TCF12: variants seen among roughly 807,000 people sequenced by gnomAD.
TCF12 encodes the protein transcription factor 12.
In TCF12, 45 loss-of-function variants were observed where a neutral mutation model predicts 86.0. The observed-to-expected ratio is 0.52, with a 90% CI of 0.41 to 0.67. The LOEUF (loss-of-function observed/expected upper bound fraction) is 0.67. TCF12 is among the 30% of genes least tolerant of loss of function. TCF12 has a pLI of 0.00. For missense variants in TCF12, 881 were observed against 859.9 expected (o/e 1.02, Z -0.31); for synonymous variants, 330 against 299.6 (o/e 1.10, Z -1.05).
chr15:57,072,022 A>G (rs2069436679), intron 4 of TCF12, among the ~76,000 whole-genome samples: 1 of 152,226 alleles, frequency 6.6e-6, no homozygotes, highest in South Asian at 2.1e-4. Flanking sequence ...TTAAAAATAG[A>G]TTTTATACAC....
chr15:57,162,665 A>G (rs1445987666), intron 5 of TCF12, among the ~76,000 whole-genome samples: 1 of 152,216 alleles, frequency 6.6e-6, no homozygotes, highest in East Asian at 1.9e-4. Flanking sequence ...AGGATAAGGA[A>G]TTTTAATAAG....
intron 5 of TCF12, chr15:57,118,572 G>A (rs2051004189): frequency 6.6e-6 from 1 of 152,062 alleles, no homozygotes. Flanking sequence ...GAACTTGCCT[G>A]TGGAAAAATT....
At chr15:57,230,297 C>A (rs185358343) in intron 8 of TCF12, among the ~76,000 whole-genome samples, 3 of 151,940 alleles carry the variant, frequency 2.0e-5, no homozygotes, top group African/African-American at 7.2e-5. Context: ...AATAGCTTAC[C>A]TTTCTCTTCT....
chr15:57,166,537 G>A, intron 6 of TCF12, 71 bp downstream of exon 6: 1 of 1,321,352 alleles, frequency 7.6e-7, no homozygotes, highest in Non-Finnish European at 1.1e-6. Flanking sequence ...ATTAATAGAT[G>A]AGATAGAAAT....
At chr15:57,280,974 C>A (rs1339626927) in intron 19 of TCF12, among the ~76,000 whole-genome samples, 1 of 152,074 alleles carries the variant, frequency 6.6e-6, no homozygotes, top group Non-Finnish European at 1.5e-5. Flanking sequence ...CTATGGATAT[C>A]TTGGGCTTAA....
intron 7 of TCF12, among the ~76,000 whole-genome samples, chr15:57,195,897 A>G (rs1254800908): frequency 6.6e-6 from 1 of 152,198 alleles, no homozygotes; most frequent in Non-Finnish European, 1.5e-5. Context: ...CTAGCTACTC[A>G]GGAGACCAAG....
intron 3 of TCF12, among the ~76,000 whole-genome samples, chr15:57,058,812 A>C (rs1169602777): frequency 1.3e-5 from 2 of 152,188 alleles, no homozygotes; most frequent in African/African-American, 4.8e-5. Context: ...TTCACAATGA[A>C]TGTCTGGGAA....
chr15:57,208,388 T>TTTTTTTTTTTTC (rs2057947669), intron 8 of TCF12, among the ~76,000 whole-genome samples: 1 of 99,328 alleles, frequency 1.0e-5, no homozygotes, highest in Non-Finnish European at 2.0e-5. Context: ...TCCTTTTTTT[T>TTTTTTTTTTTTC]TTTTTTTTTT....
chr15:57,223,671 T>TTTTTTTTTTTTTTTTTAA, intron 8 of TCF12, among the ~76,000 whole-genome samples: 1 of 122,492 alleles, frequency 8.2e-6, no homozygotes, highest in Admixed American at 8.8e-5. Context: ...TTTTTTTTTT[T>TTTTTTTTTTTTTTTTTAA]AGAAATAGAG....
upstream of TCF12, chr15:56,918,498 TTG>T: frequency 2.8e-5 from 9 of 316,976 alleles, no homozygotes; most frequent in South Asian, 2.0e-4. Flanking sequence ...ACCGCGGGCT[TTG>T]TCCACCCGCC....
intron 3 of TCF12, among the ~76,000 whole-genome samples, chr15:57,055,257 C>T (rs926890168): frequency 1.3e-5 from 2 of 152,042 alleles, no homozygotes; most frequent in African/African-American, 4.8e-5. Flanking sequence ...CAAAAATTAG[C>T]CGAGTGTGGT....
intron 4 of TCF12, among the ~76,000 whole-genome samples, chr15:57,065,081 A>T (rs866413131): frequency 1.3e-5 from 2 of 152,198 alleles, no homozygotes; most frequent in African/African-American, 2.4e-5. Flanking sequence ...GCTGTAGCCC[A>T]TGTTTAATTT....
intron 12 of TCF12, among the ~76,000 whole-genome samples, chr15:57,234,489 T>G (rs920141099): frequency 1.3e-5 from 2 of 152,184 alleles, no homozygotes; most frequent in Non-Finnish European, 2.9e-5. Flanking sequence ...AAGCATTTTA[T>G]GTACTGTATT....
At chr15:57,264,626 T>A (rs369851805) in intron 18 of TCF12, among the ~76,000 whole-genome samples, 2 of 152,182 alleles carry the variant, frequency 1.3e-5, no homozygotes, top group African/African-American at 4.8e-5. Flanking sequence ...AAGGTCAAGA[T>A]CATTAATATC....
chr15:57,250,500 G>A (rs560340264), intron 13 of TCF12, among the ~76,000 whole-genome samples: 2 of 152,202 alleles, frequency 1.3e-5, no homozygotes, highest in Non-Finnish European at 2.9e-5. Context: ...AGGCTGAGGC[G>A]GGTGGATCAC....
At chr15:57,094,626 A>G (rs951352155) in intron 5 of TCF12, among the ~76,000 whole-genome samples, 1 of 152,226 alleles carries the variant, frequency 6.6e-6, no homozygotes. Context: ...TGAGATGTGT[A>G]TGGTAGTATT....
At chr15:57,113,005 C>G (rs1386914844) in intron 5 of TCF12, among the ~76,000 whole-genome samples, 1 of 152,184 alleles carries the variant, frequency 6.6e-6, no homozygotes, top group Non-Finnish European at 1.5e-5. Context: ...AAGAAGTTAT[C>G]GTGGATCTCC....
At chr15:56,922,998 C>T (rs1487972137) in intron 3 of TCF12, among the ~76,000 whole-genome samples, 3 of 151,900 alleles carry the variant, frequency 2.0e-5, no homozygotes, top group Non-Finnish European at 1.5e-5. Context: ...CACTCTAATG[C>T]CTATGTATTT....
chr15:57,219,608 T>C (rs2058486947), intron 8 of TCF12: 1 of 1,610,522 alleles, frequency 6.2e-7, no homozygotes, highest in Admixed American at 1.7e-5. Flanking sequence ...TTTTTCTTTG[T>C]ATAGCTTCTA....
Sources: allele counts gnomAD v4.1 joint callset (sites outside exome capture counted in the v4.1 genomes callset), GRCh38; gene constraint gnomAD v4.1.1; transcripts MANE v1.5; gene names NCBI Gene and HGNC (gene_info 2026-07-23, HGNC 2026-07-21).